Variants in NBEA observed in about 807,000 individuals in gnomAD.
NBEA encodes neurobeachin, also known as lysosomal-trafficking regulator 2.
NBEA carries 44 observed loss-of-function variants against 343.4 expected under a neutral mutation model. The ratio of observed to expected loss-of-function variants is 0.13; its 90% confidence interval spans 0.10 to 0.16. The LOEUF is 0.16. Among genes scored for constraint, NBEA ranks in the 10% least tolerant of loss-of-function variants. The probability of loss-of-function intolerance (pLI) is 1.00; values close to 1 mark genes in which losing one functional copy is unlikely to be tolerated. For missense variants in NBEA, 2,555 were observed against 3,631.3 expected, an observed-to-expected ratio of 0.70 and a Z score of 7.62; for synonymous variants, 1,175 against 1,238.7, an observed-to-expected ratio of 0.95 and a Z score of 1.08.
At chr13:34,963,317 T>A (rs117161714) in intron 1 of NBEA, among the ~76,000 whole-genome samples, 6,946 of 152,130 alleles carry the variant, frequency 0.046, 240 homozygotes, top group Non-Finnish European at 0.067. Context: ...TTTGTGTGTC[T>A]ATGTCCTAAT....
At chr13:35,442,440 C>T (rs1400310587) in intron 39 of NBEA, among the ~76,000 whole-genome samples, 4 of 151,976 alleles carry the variant, frequency 2.6e-5, no homozygotes, top group East Asian at 1.9e-4. Context: ...AGTAATATCC[C>T]GTCTAAAATG....
chr13:35,395,566 A>G (rs1280924597), intron 38 of NBEA, among the ~76,000 whole-genome samples: 1 of 152,150 alleles, frequency 6.6e-6, no homozygotes, highest in Non-Finnish European at 1.5e-5. Flanking sequence ...ACAGTAGTGC[A>G]AGAATGGACT....
chr13:35,214,212 G>T (rs1475532007), intron 33 of NBEA, among the ~76,000 whole-genome samples: 1 of 151,824 alleles, frequency 6.6e-6, no homozygotes, highest in Non-Finnish European at 1.5e-5. Context: ...ATAGATATTT[G>T]AAAACACGTC....
chr13:35,373,153 TG>T (rs1056215110), intron 38 of NBEA, among the ~76,000 whole-genome samples: 3 of 151,982 alleles, frequency 2.0e-5, no homozygotes, highest in Non-Finnish European at 4.4e-5. Context: ...CTCAGCTGAG[TG>T]GGCTGCCTCA....
At chr13:35,422,753 A>T (rs1367033989) in intron 38 of NBEA, among the ~76,000 whole-genome samples, 1 of 152,200 alleles carries the variant, frequency 6.6e-6, no homozygotes, top group African/African-American at 2.4e-5. Flanking sequence ...GAACTAGTTT[A>T]CAGTCCCACC....
chr13:35,336,515 A>C (rs1273597593), intron 36 of NBEA, among the ~76,000 whole-genome samples: 1 of 152,128 alleles, frequency 6.6e-6, no homozygotes, highest in Non-Finnish European at 1.5e-5. Flanking sequence ...CAGCAATCCC[A>C]TTACTGGGTA....
chr13:35,608,077 T>C (rs577950419), intron 48 of NBEA, among the ~76,000 whole-genome samples: 1 of 152,224 alleles, frequency 6.6e-6, no homozygotes, highest in Non-Finnish European at 1.5e-5. Flanking sequence ...TGGAGCTGTA[T>C]GTTCTGTCTC....
chr13:35,542,100 G>T (rs1330116750), intron 41 of NBEA, among the ~76,000 whole-genome samples: 1 of 151,622 alleles, frequency 6.6e-6, no homozygotes, highest in Admixed American at 6.6e-5. Context: ...TAAATCAAAA[G>T]TTCTCTACGG....
chr13:35,558,039 TTA>T (rs1281279127), intron 44 of NBEA, among the ~76,000 whole-genome samples: 1 of 152,060 alleles, frequency 6.6e-6, no homozygotes, highest in Non-Finnish European at 1.5e-5. Context: ...TTTAGAAAAA[TTA>T]AACTGATAAT....
chr13:35,655,893 G>A (rs555291216), intron 55 of NBEA, 144 bp downstream of exon 55: 18 of 670,062 alleles, frequency 2.7e-5, no homozygotes, highest in South Asian at 4.0e-5. Flanking sequence ...GTACTGGAAC[G>A]TAGCTATGTT....
chr13:35,337,116 A>G (rs78514054), intron 36 of NBEA, among the ~76,000 whole-genome samples: 14 of 152,154 alleles, frequency 9.2e-5, no homozygotes, highest in Non-Finnish European at 1.6e-4. Flanking sequence ...TAAATAAGAC[A>G]TATTGAAAAC....
At chr13:35,476,808 C>T in intron 41 of NBEA, 2 of 1,028,940 alleles carry the variant, frequency 1.9e-6, no homozygotes, top group Non-Finnish European at 1.2e-6. Context: ...AATTAATCCC[C>T]ACTCATGGAT....
In NBEA at chr13:35,039,630, A is replaced by G. The variant is rs2062576034; in HGVS notation, c.295-1303A>G. ...AAATGAAGATAATAATAGTGTCATA[A>G]TAGATGTAAAACATGTAAAACAATA... On this transcript the variant is annotated intron_variant, in intron 1 of 58. Coordinates refer to ENST00000379939, the MANE Select transcript of NBEA (RefSeq NM_001385012.1). Among the ~76,000 whole-genome samples, 3 of 152,192 alleles carry G rather than the reference A, an allele frequency of 2.0e-5. No homozygotes were observed. In the South Asian group the frequency reaches 6.2e-4, roughly 32 times the overall value.
At position 35,550,945 on chromosome 13, in the gene NBEA, A is replaced by C. The variant is rs1420091642; in HGVS notation, c.6719A>C (p.Asn2240Thr). The change falls in exon 43 of 59, where the codon AAT becomes ACT. Residue 2240 changes from asparagine (N) to threonine (T), a missense_variant. Asn to Thr is a moderately conservative substitution (Grantham distance 65, BLOSUM62 0). Around this residue, in one of 21 missense-constraint regions of NBEA, gnomAD observed 246 missense variants for 313.7 expected, o/e 0.78. Transcript: ENST00000379939. ...CTTACCACAGCCTCAGTTATGTTTAATTTCCCTGATCAAGCAACAGTAAAA... is the reference window on the plus strand; with the variant it reads ...CTTACCACAGCCTCAGTTATGTTTACTTTCCCTGATCAAGCAACAGTAAAA... ...FMANRTSVMF[N>T]FPDQATVKKV... 3 of 1,606,460 alleles carry C rather than the reference A, an allele frequency of 1.9e-6. No individual in the cohort carries two copies. The highest frequency in any genetic ancestry group is 1.7e-6 in the Non-Finnish European group (2 of 1,174,206).
Position 35,567,019 on chromosome 13 carries a change from T to C in NBEA, c.7035+2T>C. The C allele has an allele frequency of 1.3e-6, 2 of 1,554,064 alleles. No individual in the cohort carries two copies. The highest frequency in any genetic ancestry group is 8.9e-7 in the Non-Finnish European group (1 of 1,127,444). The stretch of plus-strand genomic sequence containing the variant: ...GGAAACTTCAGGGATCTATCAAAGG[T>C]AACTTTTAAATATATAGAAGTCAGC... On this transcript the variant is annotated splice_donor_variant, in intron 45 of 58. Transcript: ENST00000379939. LOFTEE classifies it high-confidence loss of function.
chr13:34,958,647 G>T (rs1336699295), intron 1 of NBEA, among the ~76,000 whole-genome samples: 2 of 152,222 alleles, frequency 1.3e-5, no homozygotes, highest in Non-Finnish European at 2.9e-5. Context: ...TTTACTGCCT[G>T]CCCTTGAGAG....
At chr13:35,212,170 C>T (rs747131763) in intron 33 of NBEA, among the ~76,000 whole-genome samples, 53 of 152,172 alleles carry the variant, frequency 3.5e-4, no homozygotes, top group Non-Finnish European at 6.6e-4. Context: ...TTCCCAGTCA[C>T]TGTTCTTGCT....
At chr13:35,289,555 A>G (rs1000087261) in intron 34 of NBEA, among the ~76,000 whole-genome samples, 2 of 151,840 alleles carry the variant, frequency 1.3e-5, no homozygotes, top group African/African-American at 4.8e-5. Flanking sequence ...TAATTGGAAA[A>G]AATCTTGATA....
Position 35,660,985 on chromosome 13 carries a change from C to T in NBEA, c.8363-4100C>T, listed in dbSNP as rs1205762789. ...TATTGGAACATCGATGGCACAGAGT[C>T]CATTCTGCAGTAGACCACTCATCCA... On this transcript the variant is annotated intron_variant, in intron 55 of 58. Transcript: ENST00000379939. Among the ~76,000 whole-genome samples the T allele has an allele frequency of 2.6e-5, 4 of 152,130 alleles. No individual in the cohort carries two copies. In the East Asian group the frequency reaches 7.7e-4, roughly 29 times the overall value.
Sources: allele counts gnomAD v4.1 joint callset (sites outside exome capture counted in the v4.1 genomes callset), GRCh38; gene constraint gnomAD v4.1.1; regional missense constraint gnomAD v4.1.1; transcripts MANE v1.5; gene names NCBI Gene and HGNC (gene_info 2026-07-23, HGNC 2026-07-21).